SCAMP1: variants seen among roughly 807,000 people sequenced by gnomAD.
SCAMP1 encodes the protein secretory carrier membrane protein 1.
A neutral mutation model predicts 41.8 loss-of-function variants in SCAMP1; 15 were observed. The observed-to-expected ratio is 0.36, with a 90% CI of 0.24 to 0.55. The LOEUF (loss-of-function observed/expected upper bound fraction) is 0.55. Among genes scored for constraint, SCAMP1 ranks in the 20% least tolerant of loss-of-function variants. The probability of loss-of-function intolerance (pLI) is 0.86; values close to 1 mark genes in which losing one functional copy is unlikely to be tolerated. For missense variants in SCAMP1, 341 were observed against 412.6 expected (o/e 0.83, Z 1.50); for synonymous variants, 135 against 136.8 (o/e 0.99, Z 0.09).
At chr5:78,423,446 T>G (rs999780049) in intron 6 of SCAMP1, among the ~76,000 whole-genome samples, 4 of 151,828 alleles carry the variant, frequency 2.6e-5, no homozygotes, top group African/African-American at 7.3e-5. Flanking sequence ...TTTTGTTTTG[T>G]TTTTTTTGGA....
intron 2 of SCAMP1, among the ~76,000 whole-genome samples, chr5:78,394,325 G>A (rs967117891): frequency 1.3e-5 from 2 of 151,926 alleles, no homozygotes; most frequent in African/African-American, 4.8e-5. Context: ...TAACCTCTTC[G>A]AAAATCTTTT....
At chr5:78,471,756 G>C (rs1753888392) in intron 8 of SCAMP1, among the ~76,000 whole-genome samples, 1 of 152,060 alleles carries the variant, frequency 6.6e-6, no homozygotes, top group African/African-American at 2.4e-5. Context: ...TGACACTTCG[G>C]CAGATACTTA....
chr5:78,462,197 G>A (rs1753634364), intron 8 of SCAMP1, among the ~76,000 whole-genome samples: 1 of 9,058 alleles, frequency 1.1e-4, no homozygotes, highest in Non-Finnish European at 2.5e-4. Context: ...GTGTGTAGGA[G>A]TGTGTGTGTG....
At chr5:78,420,122 C>T (rs1046990196) in intron 5 of SCAMP1, among the ~76,000 whole-genome samples, 12 of 152,122 alleles carry the variant, frequency 7.9e-5, no homozygotes, top group African/African-American at 2.7e-4. Flanking sequence ...ATGGCACGAT[C>T]TTGGTTCACT....
In SCAMP1 at chr5:78,360,756, C is replaced by T. The variant is rs534312981; in HGVS notation, c.57+28C>T. ...GAGCTTCGGCCCCAGCATCTCCTGC[C>T]GCCGCGACGCGTCGTTGTTTGTGAA... On this transcript the variant is annotated intron_variant, in intron 1 of 8. Transcript: ENST00000621999. The T allele has an allele frequency of 6.9e-6, 11 of 1,589,276 alleles. No homozygotes were observed. In the East Asian group the frequency reaches 9.2e-5, roughly 13 times the overall value.
chr5:78,432,185 T>G (rs2112169313), intron 6 of SCAMP1, among the ~76,000 whole-genome samples: 2 of 152,280 alleles, frequency 1.3e-5, no homozygotes, highest in South Asian at 4.2e-4. Context: ...CTACTTTTGC[T>G]TTAGATTTTA....
intron 7 of SCAMP1, among the ~76,000 whole-genome samples, 179 bp from the exon 8 acceptor site, chr5:78,459,066 A>G (rs1033826998): frequency 1.3e-5 from 2 of 152,322 alleles, no homozygotes; most frequent in East Asian, 3.9e-4. Flanking sequence ...CATTTGTCAA[A>G]TGGGGATTTA....
chr5:78,454,628 A>G (rs1441306770), intron 7 of SCAMP1, among the ~76,000 whole-genome samples: 2 of 152,074 alleles, frequency 1.3e-5, no homozygotes, highest in East Asian at 3.8e-4. Context: ...CATCAAGGAT[A>G]TTGGTCTAAA....
intron 2 of SCAMP1, among the ~76,000 whole-genome samples, chr5:78,393,775 T>C (rs1181729093): frequency 6.6e-6 from 1 of 152,192 alleles, no homozygotes; most frequent in Non-Finnish European, 1.5e-5. Flanking sequence ...AAATTATCCT[T>C]AAGAATTGAT....
At chr5:78,371,735 T>A (rs982120370) in intron 1 of SCAMP1, among the ~76,000 whole-genome samples, 1 of 152,228 alleles carries the variant, frequency 6.6e-6, no homozygotes. Context: ...CAACTTGATA[T>A]GTTTCCTTTT....
At chr5:78,408,063 C>T (rs1751977322) in intron 2 of SCAMP1, among the ~76,000 whole-genome samples, 1 of 152,092 alleles carries the variant, frequency 6.6e-6, no homozygotes. Flanking sequence ...GTGTTAATTT[C>T]TTGAAGCCTG....
rs1035570204 is a variant in SCAMP1 at position 78,418,808 on chromosome 5, A to G, written c.377A>G (p.Asn126Ser). The G allele has an allele frequency of 3.8e-6, 6 of 1,568,456 alleles. No individual in the cohort carries two copies. Among genetic ancestry groups the G allele is most frequent in the Middle Eastern group, 1.7e-4 (1 of 5,950 alleles). The change falls in exon 5 of 9, where the codon AAT (asparagine) becomes AGT (serine). Residue 126 changes from asparagine (N) to serine (S), a missense_variant. Transcript: ENST00000621999. ...RKNNWPPLPS[N>S]FPVGPCFYQD... is the part of the protein sequence containing the mutation. ...AATAATTGGCCACCTCTTCCTAGCA[A>G]TTTTCCTGTCGGACCTTGTTTCTAT...
intron 6 of SCAMP1, among the ~76,000 whole-genome samples, chr5:78,445,957 T>A (rs1335030171): frequency 1.3e-5 from 2 of 152,216 alleles, no homozygotes; most frequent in African/African-American, 4.8e-5. Flanking sequence ...TTATTCGTAT[T>A]AACGGTCAGT....
intron 6 of SCAMP1, among the ~76,000 whole-genome samples, chr5:78,429,345 GT>G (rs781320541): frequency 0.095 from 9,215 of 96,592 alleles, 798 homozygotes; most frequent in African/African-American, 0.27. Context: ...TGTTGAGTTG[GT>G]TTTTTTTTTT....
At chr5:78,401,914 T>G (rs1751808391) in intron 2 of SCAMP1, among the ~76,000 whole-genome samples, 1 of 152,176 alleles carries the variant, frequency 6.6e-6, no homozygotes, top group Admixed American at 6.5e-5. Context: ...ACATGGAAAC[T>G]TGGAGTATGG....
chr5:78,438,863 G>A (rs1337976502), intron 6 of SCAMP1, among the ~76,000 whole-genome samples: 3 of 152,076 alleles, frequency 2.0e-5, no homozygotes, highest in Non-Finnish European at 2.9e-5. Flanking sequence ...CTCTTTGTAG[G>A]TCTCTAAGGA....
At chr5:78,372,839 G>A (rs1363543485) in intron 1 of SCAMP1, among the ~76,000 whole-genome samples, 1 of 151,672 alleles carries the variant, frequency 6.6e-6, no homozygotes, top group African/African-American at 2.4e-5. Flanking sequence ...GGCAACTTGG[G>A]GTAAAATAAA....
intron 7 of SCAMP1, among the ~76,000 whole-genome samples, chr5:78,454,176 C>A (rs1454725075): frequency 6.6e-6 from 1 of 151,668 alleles, no homozygotes; most frequent in Admixed American, 6.6e-5. Context: ...CCCTTTATTT[C>A]CTTCTCCTGC....
chr5:78,447,457 G>T (rs2112201382), intron 6 of SCAMP1, among the ~76,000 whole-genome samples: 1 of 152,252 alleles, frequency 6.6e-6, no homozygotes, highest in Admixed American at 6.5e-5. Flanking sequence ...CCCAGCCATA[G>T]ACAGACTACT....
Sources: allele counts gnomAD v4.1 joint callset (sites outside exome capture counted in the v4.1 genomes callset), GRCh38; gene constraint gnomAD v4.1.1; transcripts MANE v1.5; gene names NCBI Gene and HGNC (gene_info 2026-07-23, HGNC 2026-07-21).